The following CADM1 variants were observed in gnomAD, a reference collection of about 807,000 sequenced individuals.
CADM1 encodes cell adhesion molecule 1.
A neutral mutation model predicts 53.1 loss-of-function variants in CADM1; 15 were observed. The ratio of observed to expected loss-of-function variants is 0.28; its 90% CI spans 0.19 to 0.44. The LOEUF (loss-of-function observed/expected upper bound fraction) is 0.44. CADM1 is among the 20% of genes least tolerant of loss of function. The pLI, the probability that CADM1 is intolerant of heterozygous loss-of-function variation, is 1.00. For synonymous variants in CADM1, 281 were observed against 243.0 expected (o/e 1.16, Z -1.45); for missense variants, 434 against 611.3 (o/e 0.71, Z 3.06).
intron 1 of CADM1, among the ~76,000 whole-genome samples, chr11:115,326,321 C>T (rs1341756273): frequency 6.6e-6 from 1 of 151,918 alleles, no homozygotes; most frequent in Non-Finnish European, 1.5e-5. Flanking sequence ...TATAAATAAC[C>T]TCTGGTTTCT....
At chr11:115,362,914 T>C (rs575113162) in intron 1 of CADM1, among the ~76,000 whole-genome samples, 4 of 152,292 alleles carry the variant, frequency 2.6e-5, no homozygotes, top group East Asian at 3.9e-4. Context: ...ATGTGTTCAG[T>C]TGATTCTTCA....
In CADM1 at chr11:115,229,274, G is replaced by A. The variant is rs779557587; in HGVS notation, c.563-3C>T. ...CCACTCTTCCACCTCCGATTTGCCTGGGGAACAGAAAATGTACCAAGACAC... is the reference window on the plus strand; with the variant it reads ...CCACTCTTCCACCTCCGATTTGCCTAGGGAACAGAAAATGTACCAAGACAC... On this transcript the variant is annotated splice_polypyrimidine_tract_variant and splice_region_variant and intron_variant, in intron 4 of 11. Transcript: ENST00000331581. 2 of 1,613,966 alleles carry A rather than the reference G, an allele frequency of 1.2e-6. No individual in the cohort carries two copies. Among genetic ancestry groups the A allele is most frequent in the East Asian group, 4.5e-5 (2 of 44,858 alleles).
intron 1 of CADM1, among the ~76,000 whole-genome samples, chr11:115,497,818 G>A (rs1398190172): frequency 6.6e-6 from 1 of 152,102 alleles, no homozygotes; most frequent in African/African-American, 2.4e-5. Context: ...ACTCAGAGGG[G>A]GCGGTGCAGG....
At chr11:115,224,194 A>G (rs930258903) in intron 5 of CADM1, among the ~76,000 whole-genome samples, 2 of 152,120 alleles carry the variant, frequency 1.3e-5, no homozygotes, top group Non-Finnish European at 2.9e-5. Context: ...GCAGGGCACT[A>G]TCGATACCAG....
intron 1 of CADM1, among the ~76,000 whole-genome samples, chr11:115,276,495 G>A (rs1051970687): frequency 2.0e-5 from 3 of 152,130 alleles, no homozygotes; most frequent in African/African-American, 7.2e-5. Context: ...GCGGCGTGGA[G>A]ACAGATAGAA....
chr11:115,288,287 T>C (rs1343047945), intron 1 of CADM1, among the ~76,000 whole-genome samples: 1 of 152,080 alleles, frequency 6.6e-6, no homozygotes, highest in Non-Finnish European at 1.5e-5. Context: ...CACACATAGC[T>C]CCAAATGAAA....
chr11:115,378,515 T>C (rs1429952373), intron 1 of CADM1, among the ~76,000 whole-genome samples: 1 of 151,974 alleles, frequency 6.6e-6, no homozygotes, highest in African/African-American at 2.4e-5. Context: ...AATAAGTACA[T>C]AAATATATAA....
At chr11:115,401,523 G>A (rs776138759) in intron 1 of CADM1, among the ~76,000 whole-genome samples, 1 of 152,118 alleles carries the variant, frequency 6.6e-6, no homozygotes, top group Non-Finnish European at 1.5e-5. Flanking sequence ...CAGAAGAATC[G>A]CTTGAACCCG....
chr11:115,189,243 A>C (rs1241434974), intron 10 of CADM1, among the ~76,000 whole-genome samples: 2 of 152,176 alleles, frequency 1.3e-5, no homozygotes, highest in Non-Finnish European at 2.9e-5. Flanking sequence ...GACCCATCTG[A>C]CATGGCGCAG....
intron 5 of CADM1, among the ~76,000 whole-genome samples, chr11:115,219,171 C>T (rs1941309420): frequency 6.6e-6 from 1 of 152,160 alleles, no homozygotes; most frequent in East Asian, 1.9e-4. Context: ...ACCTAAACAA[C>T]AGCCCCTTGG....
rs905465742 is a variant in CADM1, at chr11:115,197,548, T to C, written c.1111+858A>G. On this transcript the variant is annotated intron_variant, in intron 9 of 11. Coordinates refer to ENST00000331581, the MANE Select transcript of CADM1 (RefSeq NM_001301043.2). ...TTCTCATTTTCTGATTGGAGAGACA[T>C]AGAAAAGTTAATAGACTTATTCCAA... 5.7e-4 allele frequency among the ~76,000 whole-genome samples: 87 copies of C among 152,300 alleles called. 1 individual carries two copies. The highest frequency in any genetic ancestry group is 1.5e-3 in the Admixed American group (23 of 15,304).
intron 1 of CADM1, among the ~76,000 whole-genome samples, chr11:115,282,145 C>T (rs909112790): frequency 6.6e-6 from 1 of 152,166 alleles, no homozygotes; most frequent in Non-Finnish European, 1.5e-5. Context: ...TTACCATGAA[C>T]CAAGTACTAT....
At chr11:115,345,230 T>G (rs1399113210) in intron 1 of CADM1, among the ~76,000 whole-genome samples, 1 of 152,176 alleles carries the variant, frequency 6.6e-6, no homozygotes, top group Non-Finnish European at 1.5e-5. Flanking sequence ...AGCACTGGTT[T>G]ATAAGCACTT....
chr11:115,273,316 AT>A (rs1041269759), intron 1 of CADM1, among the ~76,000 whole-genome samples: 7 of 152,066 alleles, frequency 4.6e-5, no homozygotes, highest in East Asian at 1.9e-4. Flanking sequence ...GTGGTGGTTT[AT>A]TTTTTTTCCA....
At chr11:115,273,002 C>T (rs1370229030) in intron 1 of CADM1, among the ~76,000 whole-genome samples, 2 of 152,096 alleles carry the variant, frequency 1.3e-5, no homozygotes, top group Non-Finnish European at 2.9e-5. Context: ...GATCAGAGGC[C>T]GTCAATGTCA....
chr11:115,272,868 G>A (rs1307523931), intron 1 of CADM1, among the ~76,000 whole-genome samples: 4 of 151,622 alleles, frequency 2.6e-5, no homozygotes, highest in Admixed American at 2.6e-4. Context: ...CCTGCACAAT[G>A]TGCACATGTA....
At chr11:115,212,386 T>A (rs1941002341) in intron 7 of CADM1, among the ~76,000 whole-genome samples, 1 of 152,212 alleles carries the variant, frequency 6.6e-6, no homozygotes, top group African/African-American at 2.4e-5. Flanking sequence ...AGTAGACTAG[T>A]AATACCTTAG....
chr11:115,404,605 CATAA>C (rs1353208362), intron 1 of CADM1, among the ~76,000 whole-genome samples: 1 of 149,254 alleles, frequency 6.7e-6, no homozygotes, highest in Non-Finnish European at 1.5e-5. Flanking sequence ...CAAAAAATAA[CATAA>C]ATAAAAATAA....
intron 1 of CADM1, among the ~76,000 whole-genome samples, chr11:115,347,056 A>C (rs1269995555): frequency 6.6e-6 from 1 of 152,208 alleles, no homozygotes; most frequent in Non-Finnish European, 1.5e-5. Context: ...TCAATGCAAC[A>C]CCAGTAAACT....
Sources: gnomAD v4.1 joint callset for allele counts (sites outside exome capture counted in the v4.1 genomes callset) on GRCh38, gnomAD v4.1.1 for gene constraint, MANE v1.5 for transcripts, NCBI Gene and HGNC (gene_info 2026-07-23, HGNC 2026-07-21) for gene names.